Variants in GAK observed in about 807,000 individuals in gnomAD.
The protein encoded by GAK is cyclin-G-associated kinase.
A neutral mutation model predicts 143.9 loss-of-function variants in GAK; 79 were observed. That is an observed-to-expected ratio of 0.55 (90% CI 0.46 to 0.66). The LOEUF (loss-of-function observed/expected upper bound fraction) is 0.66. Among genes scored for constraint, GAK ranks in the 30% least tolerant of loss-of-function variants. GAK has a pLI of 0.00. For synonymous variants in GAK, 881 were observed against 765.5 expected, an observed-to-expected ratio of 1.15 and a Z score of -2.49; for missense variants, 1,693 against 1,779.7, an observed-to-expected ratio of 0.95 and a Z score of 0.88.
At chr4:863,348 G>A (rs933426871) in intron 23 of GAK, among the ~76,000 whole-genome samples, 1 of 152,218 alleles carries the variant, frequency 6.6e-6, no homozygotes. Flanking sequence ...AGATGGAATC[G>A]AGTCCTGGTG....
At chr4:888,577 C>A (rs183932253) in intron 11 of GAK, 50 of 459,338 alleles carry the variant, frequency 1.1e-4, no homozygotes, top group Non-Finnish European at 1.6e-4. Flanking sequence ...GAGTGAGGGG[C>A]GACATTGCAG....
chr4:867,720 G>T (rs1394279987), intron 20 of GAK, among the ~76,000 whole-genome samples: 2 of 152,020 alleles, frequency 1.3e-5, no homozygotes, highest in Non-Finnish European at 2.9e-5. Flanking sequence ...CGTCCCCTCA[G>T]CCCAGGGCCT....
At position 882,037 on chromosome 4, in the gene GAK, C is replaced by A; in HGVS notation, c.1531G>T (p.Gly511Trp). 1 of 1,602,704 alleles carries A rather than the reference C, an allele frequency of 6.2e-7. No homozygotes were observed. The highest frequency in any genetic ancestry group is 2.3e-5 in the East Asian group (1 of 44,426). ...KNVCVVHCMDGRAASAVAVCS... is the reference protein window; with the variant it reads ...KNVCVVHCMDWRAASAVAVCS... ...ACGGCCACAGCAGACGCGGCTCTCC[C>A]GTCCTAGGACAGACAGACACGTCTC... is the stretch of plus-strand genomic sequence containing the variant. Residue 511 changes from glycine (G) to tryptophan (W), a missense_variant, in exon 15 of 28, where the codon GGG becomes TGG. Gly to Trp is a radical substitution (Grantham distance 184, BLOSUM62 -2). This residue lies in a region of GAK where 871 missense variants were observed against 991.0 expected (regional missense o/e 0.88). Transcript: ENST00000314167.
intron 24 of GAK, among the ~76,000 whole-genome samples, chr4:857,013 A>G (rs10028259): frequency 0.66 from 99,791 of 152,152 alleles, 32,892 homozygotes; most frequent in South Asian, 0.82. Context: ...TGACCACATG[A>G]CTCTTCAGCC....
intron 22 of GAK, among the ~76,000 whole-genome samples, chr4:865,557 GCGTTC>G (rs561544073): frequency 2.2e-4 from 33 of 152,306 alleles, no homozygotes; most frequent in African/African-American, 7.2e-4. Flanking sequence ...CCCACAGCCT[GCGTTC>G]CCGCCTCTCC....
chr4:886,970 ACAGC>A (rs1716462620), intron 11 of GAK: 1 of 152,534 alleles, frequency 6.6e-6, no homozygotes, highest in Non-Finnish European at 1.5e-5. Context: ...ATGGAACCAC[ACAGC>A]CAAACATGCA....
chr4:889,014 C>T (rs776962058), intron 10 of GAK, 44 bp from the exon 11 acceptor site: 14 of 1,584,208 alleles, frequency 8.8e-6, no homozygotes, highest in Middle Eastern at 1.8e-4. Context: ...TGCTCGGTCC[C>T]ACCTCCCCAG....
Position 883,478 on chromosome 4 carries a change from C to T in GAK, c.1256-15G>A, listed in dbSNP as rs1430509168. ...GAATGACATCACTGAAACAAGCAGA[C>T]CTGCGTCAGCACCTGGGAGATGCGC... On this transcript the variant is annotated splice_polypyrimidine_tract_variant and intron_variant, in intron 12 of 27. Transcript: ENST00000314167. 6.2e-7 allele frequency: 1 copy of T among 1,612,664 alleles called. No homozygotes were observed. Among genetic ancestry groups the T allele is most frequent in the Non-Finnish European group, 8.5e-7 (1 of 1,179,774 alleles).
intron 5 of GAK, among the ~76,000 whole-genome samples, chr4:902,715 G>C (rs1053552790): frequency 6.6e-6 from 1 of 151,344 alleles, no homozygotes; most frequent in African/African-American, 2.4e-5. Context: ...GCCTCACAAC[G>C]TCCTAGGTTT....
chr4:908,876 G>A (rs1016889912), intron 4 of GAK, among the ~76,000 whole-genome samples: 22 of 152,298 alleles, frequency 1.4e-4, no homozygotes, highest in African/African-American at 5.1e-4. Flanking sequence ...AAAACTCTGG[G>A]TTGTTGTTGG....
chr4:862,494 AGGGGTTTCAAAAAATTAGCCG>A (rs1750475045), intron 23 of GAK, among the ~76,000 whole-genome samples: 1 of 152,090 alleles, frequency 6.6e-6, no homozygotes, highest in Non-Finnish European at 1.5e-5. Context: ...CCCCGTCTCT[AGGGGTTTCAAAAAATTAGCCG>A]GGCGTGGTGG....
chr4:859,353 A>T, intron 24 of GAK: 1 of 1,440,520 alleles, frequency 6.9e-7, no homozygotes, highest in Non-Finnish European at 9.2e-7. Flanking sequence ...GACAGGATGG[A>T]TCACGCACCA....
At chr4:910,337 C>G (rs1721823549) in intron 4 of GAK, among the ~76,000 whole-genome samples, 1 of 125,754 alleles carries the variant, frequency 8.0e-6, no homozygotes, top group Admixed American at 8.0e-5. Context: ...CTCCATGAAG[C>G]TCAGGGCCCC....
intron 4 of GAK, among the ~76,000 whole-genome samples, chr4:910,306 C>T: frequency 7.2e-6 from 1 of 138,380 alleles, no homozygotes; most frequent in Non-Finnish European, 1.6e-5. Context: ...AGTACAGAGC[C>T]CCCCGCTAAG....
chr4:872,005 T>C (rs1282228129), intron 18 of GAK, among the ~76,000 whole-genome samples: 1 of 152,152 alleles, frequency 6.6e-6, no homozygotes, highest in Non-Finnish European at 1.5e-5. Context: ...GGCCAGTTCC[T>C]GGGAAACCCA....
chr4:897,046 G>C (rs1435120398), intron 6 of GAK, among the ~76,000 whole-genome samples: 1 of 152,268 alleles, frequency 6.6e-6, no homozygotes, highest in Non-Finnish European at 1.5e-5. Context: ...AGGCACTTGC[G>C]AGAGGCAGAG....
intron 20 of GAK, 25 bp downstream of exon 20, chr4:868,514 G>A: frequency 6.3e-7 from 1 of 1,596,822 alleles, no homozygotes; most frequent in Non-Finnish European, 8.5e-7. Flanking sequence ...CTCTGCAAGT[G>A]GCCAGGTCCA....
chr4:868,527 G>A lies in GAK; in HGVS notation c.2395+12C>T, dbSNP rs1560311190. On this transcript the variant is annotated intron_variant, in intron 20 of 27. Transcript: ENST00000314167. ...CCCTCTGCAAGTGGCCAGGTCCAGG[G>A]ACGCTGCCTACCCTGCCAGTCCAGC... The A allele has an allele frequency of 1.1e-5, 18 of 1,599,910 alleles. No homozygotes were observed. The highest frequency in any genetic ancestry group is 1.4e-5 in the Non-Finnish European group (17 of 1,177,340).
chr4:924,799 T>C (rs1457436168), intron 1 of GAK, among the ~76,000 whole-genome samples: 1 of 149,672 alleles, frequency 6.7e-6, no homozygotes, highest in Non-Finnish European at 1.5e-5. Flanking sequence ...TGCTCTCCTG[T>C]GAGATCTGAT....
Sources: gnomAD v4.1 joint callset for allele counts (sites outside exome capture counted in the v4.1 genomes callset) on GRCh38, gnomAD v4.1.1 for gene constraint, gnomAD v4.1.1 regional missense constraint, MANE v1.5 for transcripts, NCBI Gene and HGNC (gene_info 2026-07-23, HGNC 2026-07-21) for gene names.